Variants in ARHGAP8 observed in about 807,000 individuals in gnomAD.
ARHGAP8 encodes the protein rho GTPase-activating protein 8.
In ARHGAP8, 62 loss-of-function variants were observed where a neutral mutation model predicts 46.1. The observed-to-expected ratio is 1.34, with a 90% CI of 1.10 to 1.66. ARHGAP8 has a LOEUF of 1.66. ARHGAP8 is among the 40% of genes most tolerant of loss of function. The pLI is 0.00. For missense variants in ARHGAP8, 923 were observed against 568.4 expected (o/e 1.62, Z -6.34); for synonymous variants, 375 against 243.1 (o/e 1.54, Z -5.05).
chr22:44,860,972 T>C (rs1276123555), intron 11 of ARHGAP8, among the ~76,000 whole-genome samples: 1 of 148,728 alleles, frequency 6.7e-6, no homozygotes, highest in African/African-American at 2.5e-5. Context: ...CTTGACATAA[T>C]TTCTCAGAGG....
chr22:44,848,851 C>T (rs1272089729), intron 9 of ARHGAP8, 81 bp from the exon 10 acceptor site: 11 of 1,590,544 alleles, frequency 6.9e-6, no homozygotes, highest in African/African-American at 1.3e-5. Flanking sequence ...ACATCTCACG[C>T]CCTGTGTCTC....
At chr22:44,810,709 TG>T (rs1444254951) in intron 4 of ARHGAP8, among the ~76,000 whole-genome samples, 2 of 152,208 alleles carry the variant, frequency 1.3e-5, no homozygotes, top group African/African-American at 4.8e-5. Flanking sequence ...CACTGGATTT[TG>T]CTTCTGGTAC....
intron 1 of ARHGAP8, among the ~76,000 whole-genome samples, chr22:44,772,360 T>C (rs1211657387): frequency 6.8e-6 from 1 of 146,432 alleles, no homozygotes; most frequent in Non-Finnish European, 1.5e-5. Flanking sequence ...TTCTTTTTTT[T>C]TTTTTTTTAA....
chr22:44,862,639 T>C lies in ARHGAP8; in HGVS notation c.*44T>C, dbSNP rs2070558863. On this transcript the variant is annotated 3_prime_UTR_variant, in exon 12 of 12. Coordinates refer to ENST00000356099, the MANE Select transcript of ARHGAP8 (RefSeq NM_181335.3). ...TATTTCGAGCTACCTCCCACACCTG[T>C]CTGTGCACTTGTATGTTTTGTAAAC... is the stretch of plus-strand genomic sequence containing the variant. 6.6e-7 allele frequency: 1 copy of C among 1,514,400 alleles called. No individual in the cohort carries two copies. Among genetic ancestry groups the C allele is most frequent in the Non-Finnish European group, 8.9e-7 (1 of 1,129,090 alleles). The allele number at this position is 1,514,400 out of a possible 1,614,324, so 93.8% of individuals were successfully genotyped here.
At chr22:44,797,792 G>A (rs62232212) in intron 2 of ARHGAP8, among the ~76,000 whole-genome samples, 17 of 152,176 alleles carry the variant, frequency 1.1e-4, no homozygotes, top group Admixed American at 8.5e-4. Flanking sequence ...ATGTGAGTAC[G>A]TGTGTGCACG....
intron 11 of ARHGAP8, among the ~76,000 whole-genome samples, chr22:44,860,712 C>T (rs530219001): frequency 6.6e-6 from 1 of 152,136 alleles, no homozygotes; most frequent in African/African-American, 2.4e-5. Flanking sequence ...AGTGTGCTCT[C>T]CCCCTGGGGC....
chr22:44,862,500 C>G lies in ARHGAP8; in HGVS notation c.1207C>G (p.Pro403Ala), dbSNP rs775905095. 2 of 1,613,420 alleles carry G rather than the reference C, an allele frequency of 1.2e-6. No individual in the cohort carries two copies. Among genetic ancestry groups the G allele is most frequent in the South Asian group, 1.1e-5 (1 of 91,062 alleles). The change falls in exon 12 of 12, where the codon CCT becomes GCT. Residue 403 changes from proline (P) to alanine (A), a missense_variant. Pro to Ala is a conservative substitution (Grantham distance 27, BLOSUM62 -1). Transcript: ENST00000356099. Reference protein sequence around the residue: ...APWEQGSRAAPLQEAVPRTQA... With the variant: ...APWEQGSRAAALQEAVPRTQA... The stretch of plus-strand genomic sequence containing the variant: ...ATGGGAACAGGGGAGCAGGGCAGCC[C>G]CTTTGCAGGAGGCTGTGCCACGGAC...
intron 1 of ARHGAP8, among the ~76,000 whole-genome samples, chr22:44,772,792 T>G (rs1926130351): frequency 6.6e-6 from 1 of 150,658 alleles, no homozygotes; most frequent in Non-Finnish European, 1.5e-5. Context: ...TTCTTTGAAT[T>G]TATTTTCTCT....
intron 3 of ARHGAP8, among the ~76,000 whole-genome samples, chr22:44,805,714 T>C (rs1378169772): frequency 6.6e-6 from 1 of 152,224 alleles, no homozygotes; most frequent in African/African-American, 2.4e-5. Flanking sequence ...AAAGGTGCTC[T>C]GTGGGCTTCT....
At position 44,849,050 on chromosome 22, in the gene ARHGAP8, C is replaced by G; in HGVS notation, c.867C>G (p.Leu289=). 8.1e-6 allele frequency: 13 copies of G among 1,613,728 alleles called. No individual in the cohort carries two copies. Among genetic ancestry groups the G allele is most frequent in the Non-Finnish European group, 1.0e-5 (12 of 1,179,970 alleles). Residue 289 remains leucine (L), a synonymous_variant, in exon 10 of 12, where the codon CTC becomes CTG. Transcript: ENST00000356099. ...LLTFQAYEQI[L]GITCVESSLR... The stretch of plus-strand genomic sequence containing the variant: ...CCTTCCAGGCCTACGAGCAGATTCT[C>G]GGGATCACCTGTGCGTAGCTGCCCT...
intron 11 of ARHGAP8, among the ~76,000 whole-genome samples, chr22:44,860,701 T>TA (rs1481004333): frequency 1.3e-5 from 2 of 152,026 alleles, no homozygotes; most frequent in African/African-American, 4.8e-5. Context: ...GGCCTGGGCT[T>TA]AGTGTGCTCT....
intron 10 of ARHGAP8, among the ~76,000 whole-genome samples, chr22:44,851,132 G>A (rs1484027498): frequency 2.6e-5 from 4 of 152,140 alleles, no homozygotes; most frequent in Admixed American, 6.5e-5. Flanking sequence ...GAAGGACCCA[G>A]CTCTGGCTTG....
chr22:44,779,195 G>A (rs960944695), intron 1 of ARHGAP8, among the ~76,000 whole-genome samples: 1 of 151,352 alleles, frequency 6.6e-6, no homozygotes, highest in African/African-American at 2.4e-5. Context: ...CGCCTCTTGG[G>A]TTCAAGCGAT....
In ARHGAP8 at chr22:44,825,429, G is replaced by A. The variant is rs184112239; in HGVS notation, c.486-54G>A. Reference sequence around the variant, plus strand: ...GCATCCAGCCCCACCCAGCGCCTCCGTGGCTGCCAGCTGCCCCTGCCAGGT... The same window carrying A: ...GCATCCAGCCCCACCCAGCGCCTCCATGGCTGCCAGCTGCCCCTGCCAGGT... On this transcript the variant is annotated intron_variant, in intron 6 of 11. Coordinates refer to ENST00000356099, the MANE Select transcript of ARHGAP8 (RefSeq NM_181335.3). 1.1e-4 allele frequency: 171 copies of A among 1,571,724 alleles called. No homozygotes were observed. In the African/African-American group the frequency reaches 2.1e-3, roughly 19 times the overall value.
At chr22:44,857,452 A>C (rs1443589490) in intron 10 of ARHGAP8, among the ~76,000 whole-genome samples, 1 of 152,148 alleles carries the variant, frequency 6.6e-6, no homozygotes, top group African/African-American at 2.4e-5. Flanking sequence ...ACAAGAGAAA[A>C]ACATACCAGT....
Position 44,845,184 on chromosome 22 carries a change from G to A in ARHGAP8, c.597-85G>A, listed in dbSNP as rs921067476. On this transcript the variant is annotated intron_variant, in intron 7 of 11. Coordinates refer to ENST00000356099, the MANE Select transcript of ARHGAP8 (RefSeq NM_181335.3). ...GCCTGGGTCCTGTGTTTTCACAGGG[G>A]TGTGGAGAGGACCAGCGCCTCTTCT... The A allele has an allele frequency of 6.5e-6, 10 of 1,532,806 alleles. No homozygotes were observed. The East Asian group carries it at 1.6e-4, about 24-fold the overall frequency. The allele number at this position is 1,532,806 out of a possible 1,614,324, so 95.0% of individuals were successfully genotyped here.
chr22:44,832,968 AACACACACACAC>A (rs56982617), intron 7 of ARHGAP8, among the ~76,000 whole-genome samples: 1 of 149,650 alleles, frequency 6.7e-6, no homozygotes, highest in South Asian at 2.1e-4. Flanking sequence ...GTCTATTAAA[AACACACACACAC>A]ACACACACAC....
At chr22:44,796,117 G>C (rs1928066432) in intron 2 of ARHGAP8, among the ~76,000 whole-genome samples, 1 of 152,184 alleles carries the variant, frequency 6.6e-6, no homozygotes, top group African/African-American at 2.4e-5. Context: ...CAGTAGCCCA[G>C]GGAAGCACAT....
Position 44,845,291 on chromosome 22 carries a change from G to A in ARHGAP8, c.619G>A (p.Glu207Lys), listed in dbSNP as rs540915857. 2.8e-5 allele frequency: 45 copies of A among 1,613,982 alleles called. No homozygotes were observed. The South Asian group carries it at 2.9e-4, about 10-fold the overall frequency. ...LQYLKDKNQG[E>K]LIPPVLRFTV... ...CAGCCTCAAAGACAAAAATCAAGGC[G>A]AACTCATCCCCCCTGTGCTGAGGTT... is the stretch of plus-strand genomic sequence containing the variant. Residue 207 changes from glutamate (E) to lysine (K), a missense_variant, in exon 8 of 12, where the codon GAA becomes AAA. Coordinates refer to ENST00000356099, the MANE Select transcript of ARHGAP8 (RefSeq NM_181335.3).
Sources: allele counts gnomAD v4.1 joint callset (sites outside exome capture counted in the v4.1 genomes callset), GRCh38; gene constraint gnomAD v4.1.1; transcripts MANE v1.5; gene names NCBI Gene and HGNC (gene_info 2026-07-23, HGNC 2026-07-21).